Variants in KYNU observed in about 807,000 individuals in gnomAD.
The protein encoded by KYNU is L-kynurenine hydrolase.
In KYNU, 54 loss-of-function variants were observed where a neutral mutation model predicts 59.2. That is an observed-to-expected ratio of 0.91 (90% CI 0.73 to 1.14). The LOEUF (loss-of-function observed/expected upper bound fraction) is 1.14, where lower values mean the gene tolerates loss of function less well. Among genes scored for constraint, KYNU ranks in the 50% most tolerant of loss-of-function variants. The pLI is 0.00. For missense variants in KYNU, 567 were observed against 554.4 expected (o/e 1.02, Z -0.23); for synonymous variants, 177 against 192.0 (o/e 0.92, Z 0.65).
At chr2:142,957,859 A>C in intron 7 of KYNU, 144 bp downstream of exon 7, 1 of 627,736 alleles carries the variant, frequency 1.6e-6, no homozygotes, top group Non-Finnish European at 2.8e-6. Flanking sequence ...TGTTACTATT[A>C]GATCATTTTG....
intron 10 of KYNU, among the ~76,000 whole-genome samples, chr2:143,024,044 T>G (rs1044502568): frequency 2.0e-5 from 3 of 151,644 alleles, no homozygotes; most frequent in African/African-American, 4.8e-5. Flanking sequence ...AGCAAAAGTA[T>G]AAATAGAAAA....
At chr2:143,023,055 T>C (rs1436838891) in intron 10 of KYNU, among the ~76,000 whole-genome samples, 1 of 151,950 alleles carries the variant, frequency 6.6e-6, no homozygotes, top group Admixed American at 6.5e-5. Context: ...TTAGTCTTAT[T>C]ATTGATTTAT....
intron 11 of KYNU, among the ~76,000 whole-genome samples, chr2:143,031,124 T>C (rs1289412731): frequency 6.6e-6 from 1 of 152,202 alleles, no homozygotes; most frequent in Admixed American, 6.5e-5. Context: ...AGCAACCAAA[T>C]TGCAAAATGG....
At chr2:142,933,767 G>A (rs965743623) in intron 4 of KYNU, among the ~76,000 whole-genome samples, 1 of 152,134 alleles carries the variant, frequency 6.6e-6, no homozygotes, top group East Asian at 1.9e-4. Context: ...TGGTTTTAGG[G>A]ATAGGGTACT....
intron 11 of KYNU, among the ~76,000 whole-genome samples, chr2:143,031,001 G>T (rs1231028340): frequency 6.6e-6 from 1 of 152,108 alleles, no homozygotes; most frequent in Non-Finnish European, 1.5e-5. Context: ...TGGGCGTATG[G>T]GTAGTCGAAG....
chr2:143,003,831 G>A (rs1477194492), intron 10 of KYNU, among the ~76,000 whole-genome samples: 1 of 152,168 alleles, frequency 6.6e-6, no homozygotes, highest in African/African-American at 2.4e-5. Flanking sequence ...TAACCTAATG[G>A]TGTCCAATTC....
intron 7 of KYNU, among the ~76,000 whole-genome samples, chr2:142,958,522 G>A (rs1206282742): frequency 6.6e-6 from 1 of 152,092 alleles, no homozygotes; most frequent in Admixed American, 6.5e-5. Context: ...TTTCAACCCA[G>A]AATTACTTTG....
intron 2 of KYNU, among the ~76,000 whole-genome samples, chr2:142,916,938 G>A (rs188127281): frequency 5.3e-5 from 8 of 152,310 alleles, no homozygotes; most frequent in African/African-American, 1.9e-4. Flanking sequence ...CCATTGAAGT[G>A]AGAGAGAAAA....
At chr2:142,990,692 G>A (rs1381447211) in intron 10 of KYNU, among the ~76,000 whole-genome samples, 1 of 151,886 alleles carries the variant, frequency 6.6e-6, no homozygotes, top group African/African-American at 2.4e-5. Flanking sequence ...CTCCTAAAAT[G>A]CACATTTCCC....
intron 10 of KYNU, among the ~76,000 whole-genome samples, chr2:143,008,004 G>A (rs1361524086): frequency 2.4e-5 from 3 of 127,138 alleles, no homozygotes; most frequent in East Asian, 2.8e-4. Context: ...ATCAACTAAC[G>A]TGCAAAATCA....
At chr2:143,023,995 TA>T (rs1230376754) in intron 10 of KYNU, among the ~76,000 whole-genome samples, 1 of 151,492 alleles carries the variant, frequency 6.6e-6, no homozygotes, top group African/African-American at 2.4e-5. Flanking sequence ...GACACTCAAT[TA>T]AAATAAATAA....
intron 2 of KYNU, among the ~76,000 whole-genome samples, chr2:142,917,845 A>T (rs1682718119): frequency 6.6e-6 from 1 of 152,238 alleles, no homozygotes; most frequent in Non-Finnish European, 1.5e-5. Flanking sequence ...TGAAGTAAAG[A>T]CCAACATAGT....
rs144154963 is a variant in KYNU, at chr2:143,049,645, T to A, written c.*7473T>A. Reference sequence around the variant, plus strand: ...ACAGGTTTCCCTGATGAGCACTCCTTCAATAAAACATAGTCATCCAAATCC... The same window carrying A: ...ACAGGTTTCCCTGATGAGCACTCCTACAATAAAACATAGTCATCCAAATCC... On this transcript the variant is annotated 3_prime_UTR_variant, in exon 14 of 14. Transcript: ENST00000264170. 14 of 152,272 alleles carry A rather than the reference T, an allele frequency of 9.2e-5. No individual in the cohort carries two copies. Among genetic ancestry groups the A allele is most frequent in the Non-Finnish European group, 1.8e-4 (12 of 68,034 alleles). 9.4% of individuals were successfully genotyped at this position (152,272 alleles called of 1,614,324 possible). A position where few individuals can be genotyped will look rare whatever the true frequency, so the allele number is the denominator to read the frequency against.
intron 10 of KYNU, among the ~76,000 whole-genome samples, chr2:143,028,470 C>T (rs1686643078): frequency 6.7e-6 from 1 of 149,674 alleles, no homozygotes; most frequent in African/African-American, 2.4e-5. Flanking sequence ...TCTCAAACTC[C>T]TGACCTCATG....
intron 8 of KYNU, among the ~76,000 whole-genome samples, chr2:142,972,399 C>A (rs558568095): frequency 6.6e-6 from 1 of 152,254 alleles, no homozygotes; most frequent in African/African-American, 2.4e-5. Flanking sequence ...CTTCCCTCCT[C>A]TTATCTCTCA....
At chr2:142,883,103 C>G (rs1681357360) in intron 1 of KYNU, among the ~76,000 whole-genome samples, 1 of 150,160 alleles carries the variant, frequency 6.7e-6, no homozygotes, top group Non-Finnish European at 1.5e-5. Flanking sequence ...AAATTTATAT[C>G]ACATTACTTT....
At chr2:142,972,384 A>G (rs1174283732) in intron 8 of KYNU, among the ~76,000 whole-genome samples, 2 of 152,042 alleles carry the variant, frequency 1.3e-5, no homozygotes, top group Non-Finnish European at 1.5e-5. Context: ...CAAAATGCTC[A>G]TTTTCTTCCC....
At chr2:142,887,042 C>T (rs1475318107) in intron 2 of KYNU, among the ~76,000 whole-genome samples, 1 of 151,644 alleles carries the variant, frequency 6.6e-6, no homozygotes, top group African/African-American at 2.4e-5. Context: ...TAGTGGCGGG[C>T]GCCTGTAGTC....
At position 143,046,272 on chromosome 2, in the gene KYNU, A is replaced by G. The variant is rs1687163929; in HGVS notation, c.*4100A>G. The G allele has an allele frequency of 6.6e-6, 1 of 152,144 alleles. No homozygotes were observed. The allele number at this position is 152,144 out of a possible 1,614,324, so 9.4% of individuals were successfully genotyped here. A position where few individuals can be genotyped will look rare whatever the true frequency, so the allele number is the denominator to read the frequency against. On this transcript the variant is annotated 3_prime_UTR_variant, in exon 14 of 14. Transcript: ENST00000264170. Reference sequence around the variant, plus strand: ...TAGCTAATTTTGGTTGTGCATGAATATTGTATCAATGCAATTATACTGTAT... The same window carrying G: ...TAGCTAATTTTGGTTGTGCATGAATGTTGTATCAATGCAATTATACTGTAT...
Sources: allele counts gnomAD v4.1 joint callset (sites outside exome capture counted in the v4.1 genomes callset), GRCh38; gene constraint gnomAD v4.1.1; transcripts MANE v1.5; gene names NCBI Gene and HGNC (gene_info 2026-07-23, HGNC 2026-07-21).